The following DNAH6 variants were observed in gnomAD, a reference collection of about 807,000 sequenced individuals.
DNAH6 encodes dynein axonemal heavy chain 6.
In DNAH6, 340 loss-of-function variants were observed where a neutral mutation model predicts 491.4. That is an observed-to-expected ratio of 0.69 (90% CI 0.63 to 0.76). The LOEUF (loss-of-function observed/expected upper bound fraction) is 0.76. Among genes scored for constraint, DNAH6 ranks in the 30% least tolerant of loss-of-function variants. The probability of loss-of-function intolerance (pLI) is 0.00; values close to 1 mark genes in which losing one functional copy is unlikely to be tolerated. For missense variants in DNAH6, 4,443 were observed against 4,972.2 expected, an observed-to-expected ratio of 0.89 and a Z score of 3.20; for synonymous variants, 1,603 against 1,686.1, an observed-to-expected ratio of 0.95 and a Z score of 1.21.
intron 49 of DNAH6, 139 bp downstream of exon 49, chr2:84,701,478 A>G (rs1695894776): frequency 1.1e-6 from 1 of 885,810 alleles, no homozygotes; most frequent in Admixed American, 3.0e-5. Context: ...GAAATACCTG[A>G]GACTGGGTAA....
At chr2:84,637,972 G>A (rs1689031909) in intron 31 of DNAH6, among the ~76,000 whole-genome samples, 3 of 152,086 alleles carry the variant, frequency 2.0e-5, no homozygotes, top group Admixed American at 6.6e-5. Context: ...GCTCAGGCCT[G>A]TAATCCCAGC....
chr2:84,701,047 T>C (rs1695853095), intron 48 of DNAH6, 50 bp from the exon 49 acceptor site: 3 of 1,537,278 alleles, frequency 2.0e-6, no homozygotes, highest in South Asian at 1.2e-5. Flanking sequence ...TTAAACTGTA[T>C]GTTATTGAAA....
intron 21 of DNAH6, among the ~76,000 whole-genome samples, chr2:84,610,466 G>A (rs1573212048): frequency 6.6e-6 from 1 of 152,124 alleles, no homozygotes; most frequent in African/African-American, 2.4e-5. Context: ...TTGCTACAAC[G>A]ACTATATTTA....
chr2:84,585,957 C>T (rs1002765951), intron 15 of DNAH6, among the ~76,000 whole-genome samples: 1 of 152,224 alleles, frequency 6.6e-6, no homozygotes, highest in African/African-American at 2.4e-5. Flanking sequence ...TGTGGGGCCT[C>T]ACCGGGGACC....
At chr2:84,685,275 T>G in intron 42 of DNAH6, 51 bp from the exon 43 acceptor site, 1 of 1,316,810 alleles carries the variant, frequency 7.6e-7, no homozygotes, top group East Asian at 2.6e-5. Flanking sequence ...TTACTGGAGA[T>G]TCTACAAATG....
intron 75 of DNAH6, 89 bp downstream of exon 75, chr2:84,814,211 C>A: frequency 7.4e-7 from 1 of 1,357,034 alleles, no homozygotes; most frequent in East Asian, 2.5e-5. Context: ...CACTCCCCCA[C>A]CACCTCCCAT....
chr2:84,619,368 G>T (rs1481214490), intron 23 of DNAH6, among the ~76,000 whole-genome samples: 1 of 152,164 alleles, frequency 6.6e-6, no homozygotes, highest in Admixed American at 6.5e-5. Context: ...TCACTCTGGA[G>T]GCTTAAAGCC....
intron 19 of DNAH6, 62 bp downstream of exon 19, chr2:84,604,613 A>ATGGAATATATATTTATCTATATAC: frequency 3.1e-6 from 4 of 1,279,268 alleles, no homozygotes; most frequent in Non-Finnish European, 4.3e-6. Flanking sequence ...TTCAGATTCA[A>ATGGAATATATATTTATCTATATAC]CATTTGGTGA....
Position 84,707,612 on chromosome 2 carries a change from A to T in DNAH6, c.8944A>T (p.Ile2982Leu). ...TGAGCAGGTTCGATGGGAAGAAAGC[A>T]TACAGAAGTTTGAGGAAGAAATATC... Reference protein sequence around the residue: ...EDEQVRWEESIQKFEEEISNI... With the variant: ...EDEQVRWEESLQKFEEEISNI... Residue 2982 changes from isoleucine to leucine, a missense_variant, in exon 54 of 77, where the codon ATA (isoleucine) becomes TTA (leucine). Coordinates refer to ENST00000389394, the MANE Select transcript of DNAH6 (RefSeq NM_001370.2). 1 of 1,552,298 alleles carries T rather than the reference A, an allele frequency of 6.4e-7. No homozygotes were observed. The highest frequency in any genetic ancestry group is 8.7e-7 in the Non-Finnish European group (1 of 1,147,124).
chr2:84,502,082 T>C, the DNAH6 span, among the ~76,000 whole-genome samples: 1 of 152,170 alleles, frequency 6.6e-6, no homozygotes, highest in South Asian at 2.1e-4. Context: ...TTTGGCTTAC[T>C]CTTGATTTTC....
chr2:84,787,920 A>G (rs575347495), intron 68 of DNAH6, among the ~76,000 whole-genome samples: 2 of 152,210 alleles, frequency 1.3e-5, no homozygotes, highest in East Asian at 1.9e-4. Context: ...AAGGGAGAGG[A>G]TATTTGCACT....
intron 10 of DNAH6, among the ~76,000 whole-genome samples, chr2:84,553,834 G>A (rs914909198): frequency 6.6e-6 from 1 of 151,958 alleles, no homozygotes; most frequent in African/African-American, 2.4e-5. Context: ...TGTTGTCTTA[G>A]TTATCCATAG....
rs1680789077 is a variant in DNAH6, at chr2:84,819,179, T to G, written c.12374-126T>G. 5.0e-6 allele frequency: 3 copies of G among 602,384 alleles called. No homozygotes were observed. The South Asian group carries it at 6.4e-5, about 13-fold the overall frequency. 37.3% of individuals were successfully genotyped at this position (602,384 alleles called of 1,614,324 possible). A position where few individuals can be genotyped will look rare whatever the true frequency, so the allele number is the denominator to read the frequency against. ...TAAAACAGACCCATAAAGGACTATT[T>G]GTCCAGCATCTTTAGGGGCAAGTCA... On this transcript the variant is annotated intron_variant, in intron 76 of 76. Transcript: ENST00000389394.
At chr2:84,667,847 C>T (rs1692311447) in intron 37 of DNAH6, among the ~76,000 whole-genome samples, 4 of 152,196 alleles carry the variant, frequency 2.6e-5, no homozygotes, top group Admixed American at 6.5e-5. Flanking sequence ...CCCAAATGTC[C>T]ATCAATGATA....
intron 4 of DNAH6, among the ~76,000 whole-genome samples, chr2:84,530,083 T>C (rs1170427969): frequency 6.6e-6 from 1 of 152,196 alleles, no homozygotes; most frequent in Non-Finnish European, 1.5e-5. Context: ...TTGAGCATGA[T>C]CTCTGTAGCA....
the DNAH6 span, among the ~76,000 whole-genome samples, chr2:84,467,719 A>G: frequency 6.6e-6 from 1 of 152,170 alleles, no homozygotes; most frequent in Non-Finnish European, 1.5e-5. Flanking sequence ...TTAAACAACC[A>G]GTCATTTTAC....
chr2:84,487,846 C>T, the DNAH6 span, among the ~76,000 whole-genome samples: 1 of 152,160 alleles, frequency 6.6e-6, no homozygotes, highest in Non-Finnish European at 1.5e-5. Context: ...TGATTATACT[C>T]TTTGGACCTG....
intron 68 of DNAH6, among the ~76,000 whole-genome samples, chr2:84,791,463 T>C (rs1559045447): frequency 1.3e-5 from 2 of 151,752 alleles, no homozygotes; most frequent in Admixed American, 1.3e-4. Context: ...GTATATGAAA[T>C]TTCCAGACGA....
At chr2:84,548,588 A>C (rs1431037497) in intron 8 of DNAH6, among the ~76,000 whole-genome samples, 171 bp downstream of exon 8, 2 of 152,252 alleles carry the variant, frequency 1.3e-5, no homozygotes, top group Non-Finnish European at 2.9e-5. Flanking sequence ...TAAAAAATTA[A>C]AATGAAAAGT....
Sources: allele counts gnomAD v4.1 joint callset (sites outside exome capture counted in the v4.1 genomes callset), GRCh38; gene constraint gnomAD v4.1.1; transcripts MANE v1.5; gene names NCBI Gene and HGNC (gene_info 2026-07-23, HGNC 2026-07-21).